Variants in GLRB observed in about 807,000 individuals in gnomAD.
GLRB encodes the protein glycine receptor beta, also known as glycine receptor subunit beta.
A neutral mutation model predicts 54.2 loss-of-function variants in GLRB; 33 were observed. The ratio of observed to expected loss-of-function variants is 0.61; its 90% confidence interval spans 0.46 to 0.81. The LOEUF (loss-of-function observed/expected upper bound fraction) is 0.81. Ranked by LOEUF, GLRB falls within the 40% of genes least tolerant of loss-of-function variation. GLRB has a pLI of 0.00. For missense variants in GLRB, 572 were observed against 584.6 expected, an observed-to-expected ratio of 0.98 and a Z score of 0.22; for synonymous variants, 209 against 208.2, an observed-to-expected ratio of 1.00 and a Z score of -0.03.
At chr4:157,156,146 G>T (rs1215312035) in intron 9 of GLRB, among the ~76,000 whole-genome samples, 1 of 152,110 alleles carries the variant, frequency 6.6e-6, no homozygotes, top group East Asian at 1.9e-4. Flanking sequence ...AATGATGTTG[G>T]TGTTTTGATA....
chr4:157,115,857 C>T (rs917906147), intron 2 of GLRB, among the ~76,000 whole-genome samples: 1 of 151,804 alleles, frequency 6.6e-6, no homozygotes, highest in African/African-American at 2.4e-5. Context: ...CAGCTGAAAG[C>T]TGCGCAGCCC....
At chr4:157,120,118 T>C (rs1735751940) in intron 2 of GLRB, among the ~76,000 whole-genome samples, 2 of 151,098 alleles carry the variant, frequency 1.3e-5, no homozygotes, top group South Asian at 2.1e-4. Context: ...TCATTCTCAG[T>C]AAACTGTCGC....
intron 4 of GLRB, among the ~76,000 whole-genome samples, chr4:157,134,873 G>C (rs1560961319): frequency 6.7e-6 from 1 of 149,306 alleles, no homozygotes; most frequent in Non-Finnish European, 1.5e-5. Context: ...ATTGGTAGTA[G>C]AGTTAATGTT....
Position 157,136,447 on chromosome 4 carries a change from C to T in GLRB, c.298-22C>T, listed in dbSNP as rs544399532. Reference sequence around the variant, plus strand: ...AAATAGCAATAAACATACACATGTGCACGCATGTACTTTTTCTTCAGGACT... The same window carrying T: ...AAATAGCAATAAACATACACATGTGTACGCATGTACTTTTTCTTCAGGACT... On this transcript the variant is annotated intron_variant, in intron 4 of 9. Coordinates refer to ENST00000264428, the MANE Select transcript of GLRB (RefSeq NM_000824.5). The T allele has an allele frequency of 2.2e-5, 28 of 1,255,266 alleles. No homozygotes were observed. The African/African-American group carries it at 3.4e-4, about 15-fold the overall frequency. 77.8% of individuals were successfully genotyped at this position (1,255,266 alleles called of 1,614,324 possible).
intron 7 of GLRB, 132 bp from the exon 8 acceptor site, chr4:157,143,675 C>T (rs1736697341): frequency 1.1e-6 from 1 of 884,914 alleles, no homozygotes; most frequent in Non-Finnish European, 1.8e-6. Context: ...CAAAGAAAAA[C>T]TTTTTTTTGA....
chr4:157,162,350 A>C (rs758628427), intron 9 of GLRB, among the ~76,000 whole-genome samples: 5 of 152,218 alleles, frequency 3.3e-5, no homozygotes, highest in Non-Finnish European at 5.9e-5. Context: ...CGTCAAAGTC[A>C]TTCTCCATCC....
At chr4:157,121,396 A>G (rs1161037202) in intron 3 of GLRB, among the ~76,000 whole-genome samples, 1 of 151,224 alleles carries the variant, frequency 6.6e-6, no homozygotes, top group African/African-American at 2.4e-5. Flanking sequence ...GAAAACTATA[A>G]TCCTTGTTGC....
intron 2 of GLRB, among the ~76,000 whole-genome samples, chr4:157,104,247 A>G (rs891631020): frequency 6.6e-6 from 1 of 152,076 alleles, no homozygotes; most frequent in African/African-American, 2.4e-5. Context: ...TTGATTGGGC[A>G]TTTTTTAATC....
intron 4 of GLRB, among the ~76,000 whole-genome samples, chr4:157,129,622 A>G (rs1736139594): frequency 3.3e-5 from 5 of 151,792 alleles, no homozygotes; most frequent in Admixed American, 2.6e-4. Flanking sequence ...ATGAAATAAG[A>G]CATAATAATC....
At chr4:157,145,506 C>T (rs1417374710) in intron 8 of GLRB, among the ~76,000 whole-genome samples, 1 of 152,140 alleles carries the variant, frequency 6.6e-6, no homozygotes, top group Non-Finnish European at 1.5e-5. Context: ...GTTTGCAAAG[C>T]AGTTCTACAT....
intron 2 of GLRB, among the ~76,000 whole-genome samples, chr4:157,112,117 T>G (rs191994438): frequency 8.4e-4 from 128 of 152,030 alleles, no homozygotes; most frequent in African/African-American, 2.8e-3. Context: ...AAACAAGTGA[T>G]TCTTCTGATA....
chr4:157,136,456 A>G lies in GLRB; in HGVS notation c.298-13A>G. 2.1e-6 allele frequency: 3 copies of G among 1,430,554 alleles called. No individual in the cohort carries two copies. The highest frequency in any genetic ancestry group is 1.1e-5 in the South Asian group (1 of 87,418). 88.6% of individuals were successfully genotyped at this position (1,430,554 alleles called of 1,614,324 possible). On this transcript the variant is annotated splice_polypyrimidine_tract_variant and intron_variant, in intron 4 of 9. Transcript: ENST00000264428. ...TAAACATACACATGTGCACGCATGTACTTTTTCTTCAGGACTATAGAGTTA... is the reference window on the plus strand; with the variant it reads ...TAAACATACACATGTGCACGCATGTGCTTTTTCTTCAGGACTATAGAGTTA...
chr4:157,161,507 C>G (rs982954863), intron 9 of GLRB, among the ~76,000 whole-genome samples: 1 of 152,086 alleles, frequency 6.6e-6, no homozygotes, highest in African/African-American at 2.4e-5. Flanking sequence ...CCTTCAGGAG[C>G]TCTTTTAGGG....
At chr4:157,167,579 A>G (rs1378072957) in intron 9 of GLRB, among the ~76,000 whole-genome samples, 2 of 152,096 alleles carry the variant, frequency 1.3e-5, no homozygotes, top group East Asian at 1.9e-4. Flanking sequence ...TGGGGCAAAA[A>G]TTAGATGTAT....
intron 2 of GLRB, among the ~76,000 whole-genome samples, chr4:157,110,733 C>T (rs1310809024): frequency 6.6e-6 from 1 of 151,998 alleles, no homozygotes; most frequent in Admixed American, 6.6e-5. Context: ...AAAACCTCTA[C>T]ATCTCCCAGT....
At chr4:157,115,112 T>C (rs1378400255) in intron 2 of GLRB, among the ~76,000 whole-genome samples, 2 of 151,880 alleles carry the variant, frequency 1.3e-5, no homozygotes. Flanking sequence ...TATTTTTATC[T>C]GTATGGACTC....
rs575845016 is a variant in GLRB, at chr4:157,107,148, C to G, written c.123-13408C>G. Among the ~76,000 whole-genome samples the G allele has an allele frequency of 2.2e-3, 329 of 152,142 alleles. 1 individual carries two copies. Among genetic ancestry groups the G allele is most frequent in the African/African-American group, 7.6e-3 (316 of 41,532 alleles). ...TTTACTAAATGTGGTGTGTGAACAACTGGGAGTCTGTCTTTTCATCTCCCT... is the reference window on the plus strand; with the variant it reads ...TTTACTAAATGTGGTGTGTGAACAAGTGGGAGTCTGTCTTTTCATCTCCCT... On this transcript the variant is annotated intron_variant, in intron 2 of 9. Coordinates refer to ENST00000264428, the MANE Select transcript of GLRB (RefSeq NM_000824.5).
At chr4:157,088,261 T>A (rs1486588217) in intron 2 of GLRB, among the ~76,000 whole-genome samples, 1 of 151,790 alleles carries the variant, frequency 6.6e-6, no homozygotes, top group Admixed American at 6.5e-5. Flanking sequence ...TTATATCATG[T>A]TTAACTCTCA....
intron 2 of GLRB, among the ~76,000 whole-genome samples, chr4:157,112,116 A>C (rs1387836987): frequency 6.6e-6 from 1 of 151,456 alleles, no homozygotes; most frequent in Middle Eastern, 3.4e-3. Context: ...CAAACAAGTG[A>C]TTCTTCTGAT....
Sources: gnomAD v4.1 joint callset for allele counts (sites outside exome capture counted in the v4.1 genomes callset) on GRCh38, gnomAD v4.1.1 for gene constraint, MANE v1.5 for transcripts, NCBI Gene and HGNC (gene_info 2026-07-23, HGNC 2026-07-21) for gene names.